ERBB4: variants seen among roughly 807,000 people sequenced by gnomAD.
The protein encoded by ERBB4 is erb-b2 receptor tyrosine kinase 4.
Under a neutral mutation model 158.0 loss-of-function variants are expected in ERBB4, and 42 were observed. The observed-to-expected ratio is 0.27, with a 90% CI of 0.21 to 0.34. The LOEUF (loss-of-function observed/expected upper bound fraction) is 0.34. Ranked by LOEUF, ERBB4 falls within the 10% of genes least tolerant of loss-of-function variation. The pLI is 1.00. For missense variants in ERBB4, 1,333 were observed against 1,624.1 expected (o/e 0.82, Z 3.08); for synonymous variants, 583 against 558.7 (o/e 1.04, Z -0.61).
In ERBB4 at chr2:211,381,280, G is replaced by A. The variant is rs1297442484; in HGVS notation, c.*2335C>T. On this transcript the variant is annotated 3_prime_UTR_variant, in exon 28 of 28. Coordinates refer to ENST00000342788, the MANE Select transcript of ERBB4 (RefSeq NM_005235.3). ...CAATGTCTCCAATATTCTTGGCCAA[G>A]GACCACCATCTGCTTTTGGTTTAAT... 3 of 232,220 alleles carry A rather than the reference G, an allele frequency of 1.3e-5. No homozygotes were observed. Among genetic ancestry groups the A allele is most frequent in the African/African-American group, 6.6e-5 (3 of 45,262 alleles). 14.4% of individuals were successfully genotyped at this position (232,220 alleles called of 1,614,324 possible).
intron 25 of ERBB4, among the ~76,000 whole-genome samples, chr2:211,393,186 A>T (rs2062839268): frequency 6.6e-6 from 1 of 152,180 alleles, no homozygotes. Flanking sequence ...ATTGTGTTTC[A>T]TAGATGAATA....
intron 1 of ERBB4, among the ~76,000 whole-genome samples, chr2:212,345,841 T>C (rs1381936483): frequency 6.6e-6 from 1 of 152,138 alleles, no homozygotes; most frequent in Non-Finnish European, 1.5e-5. Context: ...TCTATGAATT[T>C]GGGTTCAAGA....
chr2:211,844,716 C>CA, intron 3 of ERBB4, among the ~76,000 whole-genome samples: 1 of 152,102 alleles, frequency 6.6e-6, no homozygotes, highest in East Asian at 1.9e-4. Flanking sequence ...AGTTTGGCTG[C>CA]ATTCACAATA....
At chr2:211,934,865 TC>T (rs2080271045) in intron 3 of ERBB4, among the ~76,000 whole-genome samples, 1 of 145,968 alleles carries the variant, frequency 6.9e-6, no homozygotes, top group Non-Finnish European at 1.5e-5. Context: ...AATCTGTATC[TC>T]TTTTAGAATC....
Position 211,384,064 on chromosome 2 carries a change from A to C in ERBB4, c.3482-4T>G. 1 of 1,606,312 alleles carries C rather than the reference A, an allele frequency of 6.2e-7. No homozygotes were observed. Among genetic ancestry groups the C allele is most frequent in the Non-Finnish European group, 8.5e-7 (1 of 1,172,974 alleles). On this transcript the variant is annotated splice_polypyrimidine_tract_variant and splice_region_variant and intron_variant, in intron 27 of 27. Coordinates refer to ENST00000342788, the MANE Select transcript of ERBB4 (RefSeq NM_005235.3). ...TCCTCCACTGGATTCAGGTATTCTAAAGGAATAAAAAAATATCAGCTAACC... is the reference window on the plus strand; with the variant it reads ...TCCTCCACTGGATTCAGGTATTCTACAGGAATAAAAAAATATCAGCTAACC...
chr2:211,419,513 G>GA (rs2063469112), intron 25 of ERBB4, among the ~76,000 whole-genome samples: 1 of 152,082 alleles, frequency 6.6e-6, no homozygotes, highest in Non-Finnish European at 1.5e-5. Flanking sequence ...TTATCTTCTA[G>GA]AAAAAATTAA....
At chr2:211,794,381 T>G (rs1473561089) in intron 3 of ERBB4, among the ~76,000 whole-genome samples, 1 of 151,916 alleles carries the variant, frequency 6.6e-6, no homozygotes, top group Non-Finnish European at 1.5e-5. Context: ...TATATTCTTT[T>G]GTGTATTTGC....
At chr2:211,537,437 G>T (rs1384841740) in intron 20 of ERBB4, among the ~76,000 whole-genome samples, 1 of 151,948 alleles carries the variant, frequency 6.6e-6, no homozygotes, top group African/African-American at 2.4e-5. Flanking sequence ...AATGAGAGAG[G>T]TAGGAATATA....
rs529527175 is a variant in ERBB4 at position 212,177,966 on chromosome 2, G to A, written c.83-53063C>T. Among the ~76,000 whole-genome samples the A allele has an allele frequency of 5.5e-4, 83 of 151,702 alleles. No individual in the cohort carries two copies. In the East Asian group the frequency reaches 0.015, roughly 28 times the overall value. ...TGAGTGTTTGTGAGTGTGAGTGTGT[G>A]TGTGTGTGTGTGTGTTGGGAAGAGG... On this transcript the variant is annotated intron_variant, in intron 1 of 27. Coordinates refer to ENST00000342788, the MANE Select transcript of ERBB4 (RefSeq NM_005235.3).
At chr2:212,050,541 G>T (rs2077372127) in intron 2 of ERBB4, among the ~76,000 whole-genome samples, 1 of 151,786 alleles carries the variant, frequency 6.6e-6, no homozygotes, top group South Asian at 2.1e-4. Flanking sequence ...TATAGTACTG[G>T]GTAGAATATC....
At chr2:212,173,928 CA>C (rs1334824597) in intron 1 of ERBB4, among the ~76,000 whole-genome samples, 1 of 152,090 alleles carries the variant, frequency 6.6e-6, no homozygotes, top group African/African-American at 2.4e-5. Context: ...TCCACTGAAA[CA>C]GCTGGGAAAC....
At chr2:212,324,667 T>C (rs1481991295) in intron 1 of ERBB4, among the ~76,000 whole-genome samples, 1 of 150,420 alleles carries the variant, frequency 6.6e-6, no homozygotes, top group African/African-American at 2.4e-5. Context: ...ATTAGATTTT[T>C]GGTTCTAATT....
intron 18 of ERBB4, among the ~76,000 whole-genome samples, chr2:211,622,993 ATATATATATATATATATATAT>A (rs1169714158): frequency 1.3e-4 from 1 of 7,428 alleles, no homozygotes; most frequent in Non-Finnish European, 2.2e-4. Context: ...AAAAAAAAAT[ATATATATATATATATATATAT>A]ATATATATAT....
intron 1 of ERBB4, among the ~76,000 whole-genome samples, chr2:212,336,433 C>T (rs1043327512): frequency 1.3e-5 from 2 of 151,974 alleles, no homozygotes; most frequent in African/African-American, 4.8e-5. Flanking sequence ...AGAAACAAAA[C>T]TCTGCCAATT....
chr2:211,571,629 G>C (rs1294813739), intron 19 of ERBB4, among the ~76,000 whole-genome samples: 1 of 152,030 alleles, frequency 6.6e-6, no homozygotes, highest in Non-Finnish European at 1.5e-5. Context: ...TATTTTATTA[G>C]AATTATCGGT....
chr2:211,780,738 C>A (rs1232679760), intron 4 of ERBB4, among the ~76,000 whole-genome samples: 2 of 152,130 alleles, frequency 1.3e-5, no homozygotes, highest in Non-Finnish European at 2.9e-5. Flanking sequence ...AGAAAAATTG[C>A]ATCTGAATTC....
At chr2:211,968,537 C>T (rs1273536299) in intron 2 of ERBB4, among the ~76,000 whole-genome samples, 2 of 151,990 alleles carry the variant, frequency 1.3e-5, no homozygotes, top group Non-Finnish European at 2.9e-5. Context: ...TTTCTTATTG[C>T]TTTAACAACT....
intron 3 of ERBB4, among the ~76,000 whole-genome samples, chr2:211,847,496 A>C (rs2077618214): frequency 6.6e-6 from 1 of 152,260 alleles, no homozygotes; most frequent in South Asian, 2.1e-4. Flanking sequence ...AGTTATCTAT[A>C]AAGGCTAGAC....
intron 1 of ERBB4, among the ~76,000 whole-genome samples, chr2:212,422,027 T>G (rs1200611045): frequency 6.6e-6 from 1 of 152,162 alleles, no homozygotes; most frequent in African/African-American, 2.4e-5. Context: ...TGTGGTGTCA[T>G]AAGGGAAACA....
Sources: gnomAD v4.1 joint callset for allele counts (sites outside exome capture counted in the v4.1 genomes callset) on GRCh38, gnomAD v4.1.1 for gene constraint, MANE v1.5 for transcripts, NCBI Gene and HGNC (gene_info 2026-07-23, HGNC 2026-07-21) for gene names.